MATCAP2: variants seen among roughly 807,000 people sequenced by gnomAD.
MATCAP2 encodes the protein microtubule associated tyrosine carboxypeptidase 2.
At chr7:36,324,958 G>A in the MATCAP2 span, 1 of 152,228 alleles carries the variant, frequency 6.6e-6, no homozygotes, top group East Asian at 1.9e-4. Context: ...AAGATTAGCA[G>A]TGCTATTCCC....
At chr7:36,372,670 T>C in the MATCAP2 span, among the ~76,000 whole-genome samples, 36 of 152,170 alleles carry the variant, frequency 2.4e-4, no homozygotes, top group African/African-American at 7.5e-4. Context: ...TGCTCTTTAT[T>C]ATATTTTGGA....
chr7:36,369,196 C>A, the MATCAP2 span, among the ~76,000 whole-genome samples: 1 of 151,954 alleles, frequency 6.6e-6, no homozygotes. Context: ...AATAAGTAGA[C>A]AACAGAAAGT....
At chr7:36,362,520 C>T in the MATCAP2 span, among the ~76,000 whole-genome samples, 223 of 152,316 alleles carry the variant, frequency 1.5e-3, 1 homozygote, top group African/African-American at 5.1e-3. Context: ...GAGCATTATA[C>T]ATCATCTAAA....
the MATCAP2 span, chr7:36,383,755 A>C: frequency 1.5e-6 from 1 of 682,916 alleles, no homozygotes; most frequent in African/African-American, 1.9e-5. Flanking sequence ...TGGCACGTGT[A>C]TGCCTATGTA....
At chr7:36,371,273 G>A in the MATCAP2 span, among the ~76,000 whole-genome samples, 2 of 151,962 alleles carry the variant, frequency 1.3e-5, no homozygotes, top group Non-Finnish European at 2.9e-5. Context: ...CACCAGGCCA[G>A]GCGAATTTTT....
chr7:36,344,596 T>C, the MATCAP2 span, among the ~76,000 whole-genome samples: 1 of 152,230 alleles, frequency 6.6e-6, no homozygotes, highest in East Asian at 1.9e-4. Context: ...TCCTGGCCTT[T>C]CTATTCACTA....
chr7:36,326,963 G>A, the MATCAP2 span: 2 of 1,513,604 alleles, frequency 1.3e-6, no homozygotes, highest in Non-Finnish European at 1.8e-6. Flanking sequence ...TAACTACAAT[G>A]TACATTTTAA....
chr7:36,349,159 G>A, the MATCAP2 span, among the ~76,000 whole-genome samples: 3 of 152,194 alleles, frequency 2.0e-5, no homozygotes, highest in African/African-American at 7.2e-5. Context: ...ATTATGAGGA[G>A]CCCTGAAGTT....
At chr7:36,356,776 G>A in the MATCAP2 span, 3 of 806,272 alleles carry the variant, frequency 3.7e-6, no homozygotes, top group Non-Finnish European at 6.2e-6. Flanking sequence ...CATGTCCTGA[G>A]TGGGAATTAA....
At chr7:36,382,398 C>G in the MATCAP2 span, among the ~76,000 whole-genome samples, 4 of 151,140 alleles carry the variant, frequency 2.6e-5, no homozygotes, top group African/African-American at 9.7e-5. Flanking sequence ...TAAATTGACT[C>G]TGATATTTAG....
At chr7:36,340,134 C>T in the MATCAP2 span, among the ~76,000 whole-genome samples, 1 of 152,188 alleles carries the variant, frequency 6.6e-6, no homozygotes, top group Admixed American at 6.5e-5. Context: ...AAAGTTAGTG[C>T]TGGGATTATA....
At chr7:36,342,552 G>C in the MATCAP2 span, among the ~76,000 whole-genome samples, 4 of 152,176 alleles carry the variant, frequency 2.6e-5, no homozygotes, top group Non-Finnish European at 5.9e-5. Flanking sequence ...CTCCAGTAGA[G>C]ACATGACTCC....
At chr7:36,336,974 T>G in the MATCAP2 span, among the ~76,000 whole-genome samples, 1 of 151,190 alleles carries the variant, frequency 6.6e-6, no homozygotes, top group African/African-American at 2.4e-5. Context: ...CACATGCTTG[T>G]AGTCCCAGCT....
the MATCAP2 span, among the ~76,000 whole-genome samples, chr7:36,365,080 C>T: frequency 2.0e-5 from 3 of 152,146 alleles, no homozygotes; most frequent in Non-Finnish European, 4.4e-5. Flanking sequence ...TCTTCTCAAA[C>T]TTCTAACTCA....
chr7:36,365,268 C>CTG, the MATCAP2 span, among the ~76,000 whole-genome samples: 1 of 152,152 alleles, frequency 6.6e-6, no homozygotes, highest in African/African-American at 2.4e-5. Context: ...CTATATTTTT[C>CTG]TTCAAGGCAT....
At chr7:36,368,352 G>A in the MATCAP2 span, 1 of 152,220 alleles carries the variant, frequency 6.6e-6, no homozygotes, top group East Asian at 1.9e-4. Context: ...GTCACACCCT[G>A]AGAATGACAG....
chr7:36,356,540 A>T, the MATCAP2 span: 1 of 376,292 alleles, frequency 2.7e-6, no homozygotes, highest in Non-Finnish European at 4.8e-6. Flanking sequence ...CAACAAAGAA[A>T]TCAATTAGAA....
chr7:36,371,034 T>A, the MATCAP2 span, among the ~76,000 whole-genome samples: 1 of 152,246 alleles, frequency 6.6e-6, no homozygotes, highest in East Asian at 1.9e-4. Context: ...GAAAAATAGG[T>A]GTTTTGATAG....
the MATCAP2 span, among the ~76,000 whole-genome samples, chr7:36,353,983 C>T: frequency 6.6e-6 from 1 of 152,180 alleles, no homozygotes; most frequent in Admixed American, 6.5e-5. Context: ...GCACCTGACC[C>T]CAAGTAGCTT....
Sources: gnomAD v4.1 joint callset for allele counts (sites outside exome capture counted in the v4.1 genomes callset) on GRCh38, gnomAD v4.1.1 for gene constraint, MANE v1.5 for transcripts, NCBI Gene and HGNC (gene_info 2026-07-23, HGNC 2026-07-21) for gene names.